The following LRP1B variants were observed in gnomAD, a reference collection of about 807,000 sequenced individuals.
The protein encoded by LRP1B is LDL receptor related protein 1B, also known as low-density lipoprotein receptor-related protein 1B.
LRP1B carries 217 observed loss-of-function variants against 556.6 expected under a neutral mutation model. The ratio of observed to expected loss-of-function variants is 0.39; its 90% CI spans 0.35 to 0.44. LRP1B has a LOEUF of 0.44. LRP1B is among the 20% of genes least tolerant of loss of function. The probability of loss-of-function intolerance (pLI) is 1.00; values close to 1 mark genes in which losing one functional copy is unlikely to be tolerated. For synonymous variants in LRP1B, 2,047 were observed against 1,865.8 expected (o/e 1.10, Z -2.50); for missense variants, 5,053 against 5,620.8 (o/e 0.90, Z 3.23).
rs772933699 is a variant in LRP1B, at chr2:140,839,983, A to T, written c.5209+8T>A. 6 of 1,590,430 alleles carry T rather than the reference A, an allele frequency of 3.8e-6. No homozygotes were observed. The Admixed American group carries it at 8.5e-5, about 23-fold the overall frequency. On this transcript the variant is annotated splice_region_variant and intron_variant, in intron 31 of 90. Coordinates refer to ENST00000389484, the MANE Select transcript of LRP1B (RefSeq NM_018557.3). The stretch of plus-strand genomic sequence containing the variant: ...GAAAACTTGGTGACTATTAAAAAAA[A>T]TACTTACCAACTGGCTCCTTCTGAT...
At position 141,643,146 on chromosome 2, in the gene LRP1B, T is replaced by C. The variant is rs139974908; in HGVS notation, c.206-162613A>G. ...AGCAAAAGCAGCAGTCTATTTCTAA[T>C]GTCTACCACATTGTTTGAGGTGTAA... is the stretch of plus-strand genomic sequence containing the variant. On this transcript the variant is annotated intron_variant, in intron 2 of 90. Transcript: ENST00000389484. Among the ~76,000 whole-genome samples, 32 of 152,316 alleles carry C rather than the reference T, an allele frequency of 2.1e-4. 1 individual carries two copies. The East Asian group carries it at 6.2e-3, about 29-fold the overall frequency.
chr2:141,656,052 T>C (rs1363110240), intron 2 of LRP1B, among the ~76,000 whole-genome samples: 1 of 152,116 alleles, frequency 6.6e-6, no homozygotes, highest in East Asian at 1.9e-4. Context: ...ATTATACCCA[T>C]TTTGTTAATG....
At chr2:141,073,613 AC>A (rs796619709) in intron 7 of LRP1B, among the ~76,000 whole-genome samples, 112 of 152,234 alleles carry the variant, frequency 7.4e-4, no homozygotes, top group African/African-American at 2.6e-3. Flanking sequence ...TTTTGTTGAT[AC>A]TTTTGCTGAG....
At position 141,062,216 on chromosome 2, in the gene LRP1B, A is replaced by T. The variant is rs942705169; in HGVS notation, c.1071T>A (p.Asp357Glu). 1 of 1,611,666 alleles carries T rather than the reference A, an allele frequency of 6.2e-7. No homozygotes were observed. Among genetic ancestry groups the T allele is most frequent in the Non-Finnish European group, 8.5e-7 (1 of 1,178,504 alleles). ...CAATTATCCTTGTTCGGTTCATCCC[A>T]TCCATGTCACATCTCTCCACTTTGG... ...NVAKVERCDM[D>E]GMNRTRIIDS... Residue 357 changes from aspartate (D) to glutamate (E), a missense_variant, in exon 8 of 91, where the codon GAT becomes GAA. By Grantham distance (45) the Asp-to-Glu change is conservative (BLOSUM62 2). Transcript: ENST00000389484.
chr2:141,917,197 T>A (rs1700060521), intron 1 of LRP1B, among the ~76,000 whole-genome samples: 1 of 152,166 alleles, frequency 6.6e-6, no homozygotes, highest in South Asian at 2.1e-4. Flanking sequence ...TGCTATGGAC[T>A]GAAGAGCTAG....
At chr2:140,913,827 T>C (rs1027129081) in intron 21 of LRP1B, among the ~76,000 whole-genome samples, 1 of 152,216 alleles carries the variant, frequency 6.6e-6, no homozygotes, top group Non-Finnish European at 1.5e-5. Flanking sequence ...GAACCATGTA[T>C]ATTAAGTTTA....
intron 15 of LRP1B, 107 bp from the exon 16 acceptor site, chr2:140,994,242 T>C: frequency 1.1e-6 from 1 of 879,532 alleles, no homozygotes; most frequent in Non-Finnish European, 1.8e-6. Context: ...TACATATCAG[T>C]GGGATGAGGT....
chr2:141,690,196 A>T (rs894033566), intron 2 of LRP1B, among the ~76,000 whole-genome samples: 2 of 151,168 alleles, frequency 1.3e-5, no homozygotes, highest in African/African-American at 4.8e-5. Context: ...TTCATCTTTC[A>T]AATATTTAGA....
intron 87 of LRP1B, among the ~76,000 whole-genome samples, chr2:140,244,051 C>T (rs1681058174): frequency 6.6e-6 from 1 of 151,158 alleles, no homozygotes; most frequent in Admixed American, 6.6e-5. Context: ...CCATTAGAAC[C>T]TCAGCTTCAT....
intron 3 of LRP1B, among the ~76,000 whole-genome samples, chr2:141,475,585 C>A (rs1230947194): frequency 6.6e-6 from 1 of 152,032 alleles, no homozygotes; most frequent in Non-Finnish European, 1.5e-5. Flanking sequence ...TGTCTTCACA[C>A]CCAGATGTTG....
intron 2 of LRP1B, among the ~76,000 whole-genome samples, chr2:141,507,434 A>G (rs1683973440): frequency 6.6e-6 from 1 of 152,192 alleles, no homozygotes; most frequent in Admixed American, 6.6e-5. Context: ...TCCAATTACA[A>G]AATTATTCAA....
intron 1 of LRP1B, among the ~76,000 whole-genome samples, chr2:142,065,523 C>T (rs184987907): frequency 4.0e-5 from 6 of 151,358 alleles, no homozygotes; most frequent in Admixed American, 2.6e-4. Context: ...TTATTTTGGG[C>T]TTACCCTGAC....
chr2:140,501,592 G>A, intron 55 of LRP1B, 95 bp downstream of exon 55: 6 of 820,184 alleles, frequency 7.3e-6, no homozygotes, highest in East Asian at 2.8e-5. Context: ...ATATTATGAT[G>A]GCTTTTAACT....
intron 1 of LRP1B, among the ~76,000 whole-genome samples, chr2:141,874,320 T>C (rs189739243): frequency 2.7e-3 from 403 of 151,968 alleles, no homozygotes; most frequent in Non-Finnish European, 4.1e-3. Context: ...TTGTAAAGCA[T>C]GGTTATTGAT....
intron 86 of LRP1B, among the ~76,000 whole-genome samples, chr2:140,264,282 G>T (rs1682086036): frequency 6.6e-6 from 1 of 152,060 alleles, no homozygotes; most frequent in South Asian, 2.1e-4. Context: ...AGGCTGGAGT[G>T]CAATGGCGCA....
chr2:141,139,957 G>A (rs1364334946), intron 7 of LRP1B, among the ~76,000 whole-genome samples: 3 of 151,746 alleles, frequency 2.0e-5, no homozygotes, highest in Non-Finnish European at 4.4e-5. Context: ...CCATCAACAG[G>A]TGTATGAATA....
At chr2:141,937,178 AGGAGATTGAGACCAC>A (rs1049589721) in intron 1 of LRP1B, among the ~76,000 whole-genome samples, 3 of 151,928 alleles carry the variant, frequency 2.0e-5, no homozygotes, top group African/African-American at 7.2e-5. Flanking sequence ...TCATGAAGTC[AGGAGATTGAGACCAC>A]GGTGAAACCC....
chr2:141,664,930 G>T (rs1188746475), intron 2 of LRP1B, among the ~76,000 whole-genome samples: 1 of 152,154 alleles, frequency 6.6e-6, no homozygotes, highest in Non-Finnish European at 1.5e-5. Context: ...AAAGCTGGAG[G>T]TATCACACTA....
chr2:141,504,786 C>A (rs563654534), intron 2 of LRP1B, among the ~76,000 whole-genome samples: 1 of 152,130 alleles, frequency 6.6e-6, no homozygotes, highest in Non-Finnish European at 1.5e-5. Context: ...AATTAAAATT[C>A]ATATTAATTG....
Sources: allele counts gnomAD v4.1 joint callset (sites outside exome capture counted in the v4.1 genomes callset), GRCh38; gene constraint gnomAD v4.1.1; transcripts MANE v1.5; gene names NCBI Gene and HGNC (gene_info 2026-07-23, HGNC 2026-07-21).